Variants in TMEM245 observed in about 807,000 individuals in gnomAD.
The protein encoded by TMEM245 is transmembrane protein 245.
In TMEM245, 69 loss-of-function variants were observed where a neutral mutation model predicts 101.2. The ratio of observed to expected loss-of-function variants is 0.68; its 90% CI spans 0.56 to 0.83. TMEM245 has a LOEUF of 0.83. Ranked by LOEUF, TMEM245 falls within the 40% of genes least tolerant of loss-of-function variation. The pLI, the probability that TMEM245 is intolerant of heterozygous loss-of-function variation, is 0.00. For missense variants in TMEM245, 1,075 were observed against 1,092.8 expected (o/e 0.98, Z 0.23); for synonymous variants, 537 against 449.8 (o/e 1.19, Z -2.45).
intron 11 of TMEM245, among the ~76,000 whole-genome samples, chr9:109,057,756 G>GA (rs1487808574): frequency 6.6e-6 from 1 of 151,468 alleles, no homozygotes; most frequent in African/African-American, 2.4e-5. Flanking sequence ...GTCTAAAAAA[G>GA]AAAAAAGAAA....
At chr9:109,080,278 T>C (rs1829629684) in intron 8 of TMEM245, among the ~76,000 whole-genome samples, 1 of 152,054 alleles carries the variant, frequency 6.6e-6, no homozygotes, top group South Asian at 2.1e-4. Flanking sequence ...TTGTCAGACT[T>C]GATAAGCCTA....
intron 10 of TMEM245, among the ~76,000 whole-genome samples, chr9:109,061,691 C>T (rs143057159): frequency 0.034 from 5,210 of 152,070 alleles, 127 homozygotes; most frequent in Middle Eastern, 0.048. Flanking sequence ...GTCTCAGCCT[C>T]CTGAGTAGCT....
intron 12 of TMEM245, among the ~76,000 whole-genome samples, chr9:109,056,301 A>G (rs866440795): frequency 7.2e-5 from 11 of 152,164 alleles, no homozygotes; most frequent in Admixed American, 1.3e-4. Context: ...CTTTGATAAA[A>G]ATTAAATTTA....
intron 11 of TMEM245, among the ~76,000 whole-genome samples, chr9:109,057,925 CTTTTT>C (rs35332085): frequency 8.9e-6 from 1 of 112,752 alleles, no homozygotes; most frequent in Non-Finnish European, 1.8e-5. Context: ...CATTTACTTT[CTTTTT>C]TTTTTTTTTT....
chr9:109,062,118 C>T (rs1216708620), intron 10 of TMEM245, among the ~76,000 whole-genome samples: 2 of 152,096 alleles, frequency 1.3e-5, no homozygotes, highest in Admixed American at 1.3e-4. Context: ...GATCCTGCCA[C>T]CTAAGACAGC....
At chr9:109,087,916 G>A (rs1829888652) in intron 5 of TMEM245, among the ~76,000 whole-genome samples, 1 of 152,178 alleles carries the variant, frequency 6.6e-6, no homozygotes, top group African/African-American at 2.4e-5. Context: ...AGAGAAGCAA[G>A]CTGAATACTA....
Position 109,073,379 on chromosome 9 carries a change from T to C in TMEM245, c.1509A>G (p.Leu503=). The C allele has an allele frequency of 1.2e-6, 2 of 1,613,084 alleles. No homozygotes were observed. The highest frequency in any genetic ancestry group is 2.2e-5 in the South Asian group (2 of 91,074). Residue 503 remains leucine (L), a synonymous_variant, in exon 9 of 18, where the codon CTA becomes CTG. Transcript: ENST00000374586. Reference sequence around the variant, plus strand: ...ACTTTGCCCACTCAGGGTGATTTGCTAGAGTTTCATTAATCAAATTACTTG... The same window carrying C: ...ACTTTGCCCACTCAGGGTGATTTGCCAGAGTTTCATTAATCAAATTACTTG... ...EVTSNLINET[L]ANHPEWANWL...
At chr9:109,082,899 G>A (rs1390675707) in intron 7 of TMEM245, among the ~76,000 whole-genome samples, 1 of 152,112 alleles carries the variant, frequency 6.6e-6, no homozygotes, top group Non-Finnish European at 1.5e-5. Flanking sequence ...GGATGACAGT[G>A]AGGGTTGGAT....
At chr9:109,106,166 A>C (rs1830414191) in intron 3 of TMEM245, among the ~76,000 whole-genome samples, 1 of 147,836 alleles carries the variant, frequency 6.8e-6, no homozygotes. Flanking sequence ...TCAAGGTTAC[A>C]GTGAGCTATG....
intron 17 of TMEM245, among the ~76,000 whole-genome samples, chr9:109,023,369 TAAGTA>T (rs1827691379): frequency 6.6e-6 from 1 of 152,214 alleles, no homozygotes; most frequent in Non-Finnish European, 1.5e-5. Flanking sequence ...CTCTAACTAA[TAAGTA>T]AAGCTCATAA....
intron 4 of TMEM245, among the ~76,000 whole-genome samples, chr9:109,092,302 C>T (rs1027544883): frequency 2.3e-5 from 3 of 133,226 alleles, no homozygotes; most frequent in East Asian, 2.2e-4. Context: ...CAGTAGCCCA[C>T]CAAGTGCTGT....
chr9:109,026,354 A>C (rs1162383322), intron 17 of TMEM245, among the ~76,000 whole-genome samples: 3 of 152,164 alleles, frequency 2.0e-5, no homozygotes, highest in African/African-American at 7.2e-5. Flanking sequence ...GCCATAACCT[A>C]ATCTTGGGGG....
At chr9:109,061,879 AT>A (rs997832551) in intron 10 of TMEM245, among the ~76,000 whole-genome samples, 1 of 152,052 alleles carries the variant, frequency 6.6e-6, no homozygotes, top group Non-Finnish European at 1.5e-5. Flanking sequence ...ATGAATCCTA[AT>A]TTTTAGTGTC....
rs979266913 is a variant in TMEM245, at chr9:109,020,134, A to G, written c.*326T>C. 1.1e-5 allele frequency: 2 copies of G among 183,820 alleles called. No homozygotes were observed. The highest frequency in any genetic ancestry group is 2.3e-5 in the Non-Finnish European group (2 of 88,594). 11.4% of individuals were successfully genotyped at this position (183,820 alleles called of 1,614,324 possible). A position where few individuals can be genotyped will look rare whatever the true frequency, so the allele number is the denominator to read the frequency against. On this transcript the variant is annotated 3_prime_UTR_variant, in exon 18 of 18. Transcript: ENST00000374586. ...TAGAGTTCTTAAAATAACTTTATAAATATATAATATAGTAACATAGATAAC... is the reference window on the plus strand; with the variant it reads ...TAGAGTTCTTAAAATAACTTTATAAGTATATAATATAGTAACATAGATAAC...
At chr9:109,105,001 T>C (rs991137511) in intron 3 of TMEM245, among the ~76,000 whole-genome samples, 2 of 152,126 alleles carry the variant, frequency 1.3e-5, no homozygotes, top group Non-Finnish European at 2.9e-5. Context: ...AAAGAAAAAG[T>C]AGATAAACTG....
At chr9:109,076,386 G>GGGGGGA (rs1829502648) in intron 8 of TMEM245, among the ~76,000 whole-genome samples, 1 of 896 alleles carries the variant, frequency 1.1e-3, no homozygotes, top group African/African-American at 1.9e-3. Flanking sequence ...ACTGTGGGGT[G>GGGGGGA]GGGGGGAGGG....
In TMEM245 at chr9:109,072,503, A is replaced by G. The variant is rs1308451823; in HGVS notation, c.1532+853T>C. ...GAGACCAGAGCTCAGCGCCTTTTGCAGCCTCCATTATGCAACTGGCCCCGA... is the reference window on the plus strand; with the variant it reads ...GAGACCAGAGCTCAGCGCCTTTTGCGGCCTCCATTATGCAACTGGCCCCGA... On this transcript the variant is annotated intron_variant, in intron 9 of 17. Transcript: ENST00000374586. 2.0e-5 allele frequency among the ~76,000 whole-genome samples: 3 copies of G among 152,312 alleles called. No homozygotes were observed. The East Asian group carries it at 5.8e-4, about 29-fold the overall frequency.
chr9:109,060,492 G>A (rs754051258), intron 10 of TMEM245, 40 bp from the exon 11 acceptor site: 1 of 1,400,316 alleles, frequency 7.1e-7, no homozygotes, highest in Non-Finnish European at 1.0e-6. Flanking sequence ...CAATATTTCA[G>A]GCAACAACAG....
At chr9:109,040,138 A>G (rs1828259959) in intron 14 of TMEM245, among the ~76,000 whole-genome samples, 1 of 152,182 alleles carries the variant, frequency 6.6e-6, no homozygotes, top group Admixed American at 6.5e-5. Context: ...TGCACTGTAT[A>G]TTGTTTGCAG....
Sources: gnomAD v4.1 joint callset for allele counts (sites outside exome capture counted in the v4.1 genomes callset) on GRCh38, gnomAD v4.1.1 for gene constraint, MANE v1.5 for transcripts, NCBI Gene and HGNC (gene_info 2026-07-23, HGNC 2026-07-21) for gene names.